CD47: variants seen among roughly 807,000 people sequenced by gnomAD.
The protein encoded by CD47 is CD47 molecule, also known as leukocyte surface antigen CD47.
A neutral mutation model predicts 44.6 loss-of-function variants in CD47; 11 were observed. The ratio of observed to expected loss-of-function variants is 0.25; its 90% CI spans 0.16 to 0.41. The LOEUF (loss-of-function observed/expected upper bound fraction) is 0.41, where lower values mean the gene tolerates loss of function less well. Among genes scored for constraint, CD47 ranks in the 10% least tolerant of loss-of-function variants. The probability of loss-of-function intolerance (pLI) is 1.00; values close to 1 mark genes in which losing one functional copy is unlikely to be tolerated. For missense variants in CD47, 306 were observed against 386.7 expected (o/e 0.79, Z 1.75); for synonymous variants, 140 against 136.3 (o/e 1.03, Z -0.19).
At chr3:108,082,339 T>C (rs1004159042) in intron 1 of CD47, among the ~76,000 whole-genome samples, 4 of 151,974 alleles carry the variant, frequency 2.6e-5, no homozygotes, top group African/African-American at 9.7e-5. Context: ...AAAATAAATC[T>C]TGTTCTGCAA....
At chr3:108,075,202 C>G (rs1441195612) in intron 2 of CD47, among the ~76,000 whole-genome samples, 1 of 152,196 alleles carries the variant, frequency 6.6e-6, no homozygotes, top group African/African-American at 2.4e-5. Flanking sequence ...AATTCCTGGA[C>G]AGGCAGAATG....
At chr3:108,075,758 C>A (rs901775549) in intron 2 of CD47, among the ~76,000 whole-genome samples, 14 of 152,162 alleles carry the variant, frequency 9.2e-5, no homozygotes, top group Admixed American at 5.9e-4. Flanking sequence ...CCCAAATCAG[C>A]TGACTTTAAG....
chr3:108,069,989 C>T (rs2079169985), intron 3 of CD47, among the ~76,000 whole-genome samples: 1 of 152,142 alleles, frequency 6.6e-6, no homozygotes, highest in African/African-American at 2.4e-5. Flanking sequence ...GCCACTGCCA[C>T]CCCTTTCTTC....
At chr3:108,051,082 A>C (rs2078818447) in intron 8 of CD47, among the ~76,000 whole-genome samples, 1 of 152,236 alleles carries the variant, frequency 6.6e-6, no homozygotes, top group Admixed American at 6.5e-5. Context: ...TCTTTCTAGA[A>C]TATACCCCTG....
chr3:108,090,203 C>T (rs1423769097), intron 1 of CD47, among the ~76,000 whole-genome samples: 2 of 151,988 alleles, frequency 1.3e-5, no homozygotes, highest in South Asian at 2.1e-4. Context: ...GTGAGGGTCA[C>T]GAGAAAGGAA....
In CD47 at chr3:108,047,381, A is replaced by C; in HGVS notation, c.968-89T>G. 8.6e-6 allele frequency: 8 copies of C among 934,458 alleles called. 1 individual carries two copies. The South Asian group carries it at 1.3e-4, about 16-fold the overall frequency. 57.9% of individuals were successfully genotyped at this position (934,458 alleles called of 1,614,324 possible). ...TGACACATTAAAAAAAGTTTCAGAT[A>C]TATAGTATCTAAAAATTAAGAAAAT... On this transcript the variant is annotated intron_variant, in intron 10 of 10. Transcript: ENST00000361309.
At chr3:108,075,208 G>T (rs2079287928) in intron 2 of CD47, among the ~76,000 whole-genome samples, 1 of 152,180 alleles carries the variant, frequency 6.6e-6, no homozygotes, top group Admixed American at 6.5e-5. Flanking sequence ...TGGACAGGCA[G>T]AATGGCTTCC....
In CD47 at chr3:108,071,098, A is replaced by G; in HGVS notation, c.485T>C (p.Ile162Thr). Residue 162 changes from isoleucine to threonine, a missense_variant, in exon 3 of 11, where the codon ATT becomes ACT. This residue lies in a region of CD47 where 65 missense variants were observed against 119.9 expected (regional missense o/e 0.54). Transcript: ENST00000361309. ...AILLFWGQFG[I>T]KTLKYRSGGM... is the part of the protein sequence containing the mutation. ...AAAGTAGAAATAATACTTACTTTTA[A>G]TACCAAACTGTCCCCAGAACAGGAG... 7.7e-7 allele frequency: 1 copy of G among 1,300,406 alleles called. No individual in the cohort carries two copies. The highest frequency in any genetic ancestry group is 1.9e-4 in the Middle Eastern group (1 of 5,172). 80.6% of individuals were successfully genotyped at this position (1,300,406 alleles called of 1,614,324 possible). A position where few individuals can be genotyped will look rare whatever the true frequency, so the allele number is the denominator to read the frequency against.
chr3:108,047,896 T>C (rs1047418313), intron 10 of CD47, among the ~76,000 whole-genome samples: 1 of 152,240 alleles, frequency 6.6e-6, no homozygotes, highest in Non-Finnish European at 1.5e-5. Context: ...TTTTACAATA[T>C]TTCCTGATGC....
At chr3:108,059,080 A>G (rs1331253515) in intron 5 of CD47, among the ~76,000 whole-genome samples, 1 of 152,248 alleles carries the variant, frequency 6.6e-6, no homozygotes, top group Non-Finnish European at 1.5e-5. Flanking sequence ...TCCATTTTAT[A>G]GAACCAGTCT....
chr3:108,043,440 A>T lies in CD47; in HGVS notation c.*3848T>A, dbSNP rs1440818874. The T allele has an allele frequency of 6.6e-6, 1 of 152,326 alleles. No individual in the cohort carries two copies. The highest frequency in any genetic ancestry group is 2.4e-5 in the African/African-American group (1 of 41,396). The allele number at this position is 152,326 out of a possible 1,614,324, so 9.4% of individuals were successfully genotyped here. A position where few individuals can be genotyped will look rare whatever the true frequency, so the allele number is the denominator to read the frequency against. On this transcript the variant is annotated 3_prime_UTR_variant, in exon 11 of 11. Coordinates refer to ENST00000361309, the MANE Select transcript of CD47 (RefSeq NM_001777.4). ...ACAGTGATAAATTGATTTAATACATATAAAAAAAAAAACCTTTAACGGTAA... is the reference window on the plus strand; with the variant it reads ...ACAGTGATAAATTGATTTAATACATTTAAAAAAAAAAACCTTTAACGGTAA...
At chr3:108,065,455 A>G (rs1027128983) in intron 3 of CD47, among the ~76,000 whole-genome samples, 1 of 152,164 alleles carries the variant, frequency 6.6e-6, no homozygotes, top group Non-Finnish European at 1.5e-5. Context: ...TTAATAACAG[A>G]ATGTGATCAT....
chr3:108,048,026 T>C (rs1383518092), intron 10 of CD47, among the ~76,000 whole-genome samples: 2 of 150,086 alleles, frequency 1.3e-5, no homozygotes, highest in Non-Finnish European at 3.0e-5. Context: ...TACAGAACAA[T>C]GACACCACCA....
chr3:108,058,868 C>T (rs558685997), intron 5 of CD47, among the ~76,000 whole-genome samples: 17 of 152,238 alleles, frequency 1.1e-4, no homozygotes, highest in African/African-American at 3.6e-4. Flanking sequence ...CAATGTACAA[C>T]GAGCCAGAGA....
At chr3:108,067,772 G>A (rs532097286) in intron 3 of CD47, among the ~76,000 whole-genome samples, 3 of 152,314 alleles carry the variant, frequency 2.0e-5, no homozygotes, top group East Asian at 3.9e-4. Context: ...TCTTTGAAAC[G>A]TGGTCCAGGG....
chr3:108,054,438 C>T (rs1576989340), intron 7 of CD47: 1 of 152,246 alleles, frequency 6.6e-6, no homozygotes. Flanking sequence ...AAACAGTGTA[C>T]AAGTTAATTT....
intron 1 of CD47, among the ~76,000 whole-genome samples, chr3:108,081,568 A>C (rs2079418362): frequency 6.6e-6 from 1 of 151,950 alleles, no homozygotes; most frequent in South Asian, 2.1e-4. Flanking sequence ...GTACTGGACA[A>C]TGTTCAAAAC....
At chr3:108,052,527 G>T (rs1321382861) in intron 7 of CD47, 1 of 152,784 alleles carries the variant, frequency 6.5e-6, no homozygotes, top group Non-Finnish European at 1.5e-5. Flanking sequence ...TTAGCTTTCT[G>T]AGTTGCCTTT....
intron 7 of CD47, 90 bp from the exon 8 acceptor site, chr3:108,052,060 G>A: frequency 1.6e-6 from 1 of 644,994 alleles, no homozygotes; most frequent in Non-Finnish European, 2.7e-6. Context: ...AAAATGTTCA[G>A]GGCTAAAACT....
Sources: allele counts gnomAD v4.1 joint callset (sites outside exome capture counted in the v4.1 genomes callset), GRCh38; gene constraint gnomAD v4.1.1; regional missense constraint gnomAD v4.1.1; transcripts MANE v1.5; gene names NCBI Gene and HGNC (gene_info 2026-07-23, HGNC 2026-07-21).